The following SLC22A16 variants were observed in gnomAD, a reference collection of about 807,000 sequenced individuals.
SLC22A16 encodes the protein solute carrier family 22 member 16, also known as WUGSC:RG331P03.1.
SLC22A16 carries 53 observed loss-of-function variants against 52.9 expected under a neutral mutation model. That is an observed-to-expected ratio of 1.00 (90% CI 0.80 to 1.26). The LOEUF is 1.26. Among genes scored for constraint, SLC22A16 ranks in the 50% most tolerant of loss-of-function variants. The probability of loss-of-function intolerance (pLI) is 0.00; values close to 1 mark genes in which losing one functional copy is unlikely to be tolerated. For synonymous variants in SLC22A16, 291 were observed against 268.8 expected, an observed-to-expected ratio of 1.08 and a Z score of -0.81; for missense variants, 726 against 704.0, an observed-to-expected ratio of 1.03 and a Z score of -0.35.
chr6:110,469,937 C>T (rs1776204810), intron 1 of SLC22A16, among the ~76,000 whole-genome samples: 2 of 152,112 alleles, frequency 1.3e-5, no homozygotes, highest in African/African-American at 4.8e-5. Context: ...TCTGCAACTG[C>T]AAAACATAGA....
chr6:110,438,569 G>T, intron 5 of SLC22A16, 151 bp downstream of exon 5: 1 of 717,282 alleles, frequency 1.4e-6, no homozygotes. Context: ...AACAGAAAAA[G>T]AATGTTTTAA....
chr6:110,462,585 A>G (rs992792696), intron 1 of SLC22A16, among the ~76,000 whole-genome samples: 1 of 152,218 alleles, frequency 6.6e-6, no homozygotes, highest in African/African-American at 2.4e-5. Flanking sequence ...AAATAAAGAA[A>G]AAAGAATTTT....
chr6:110,462,437 A>C (rs558444445), intron 1 of SLC22A16, among the ~76,000 whole-genome samples: 12 of 152,328 alleles, frequency 7.9e-5, no homozygotes, highest in Non-Finnish European at 1.5e-4. Context: ...AGAAAGCTGA[A>C]AATCAACCCC....
At chr6:110,474,805 T>C in intron 1 of SLC22A16, 1 of 422,880 alleles carries the variant, frequency 2.4e-6, no homozygotes, top group South Asian at 1.8e-5. Flanking sequence ...GGGCAGTTAC[T>C]GGAGAGGCAT....
intron 2 of SLC22A16, among the ~76,000 whole-genome samples, chr6:110,454,566 T>A (rs1318787870): frequency 1.8e-5 from 2 of 111,462 alleles, no homozygotes; most frequent in East Asian, 2.2e-4. Context: ...ATATATATAT[T>A]ATATATAATA....
intron 2 of SLC22A16, chr6:110,453,485 A>G: frequency 5.3e-6 from 2 of 380,168 alleles, no homozygotes; most frequent in South Asian, 4.0e-5. Flanking sequence ...GCTGGCAAAA[A>G]CACAAGATGT....
intron 6 of SLC22A16, among the ~76,000 whole-genome samples, chr6:110,431,575 C>A (rs1219414732): frequency 1.3e-5 from 2 of 152,106 alleles, no homozygotes; most frequent in South Asian, 4.2e-4. Flanking sequence ...TAAGCTGTGC[C>A]ACATAGCCTG....
At chr6:110,462,953 G>T (rs917361462) in intron 1 of SLC22A16, among the ~76,000 whole-genome samples, 5 of 151,622 alleles carry the variant, frequency 3.3e-5, no homozygotes, top group Admixed American at 2.0e-4. Context: ...AGCCAGAACA[G>T]ATTGGGGGCC....
At chr6:110,437,735 G>C (rs1021019823) in intron 5 of SLC22A16, among the ~76,000 whole-genome samples, 5 of 152,098 alleles carry the variant, frequency 3.3e-5, no homozygotes, top group African/African-American at 1.2e-4. Context: ...TTAAAATACA[G>C]ATCTGAAAAC....
chr6:110,448,042 C>T (rs146310635), intron 2 of SLC22A16, among the ~76,000 whole-genome samples: 3 of 152,258 alleles, frequency 2.0e-5, no homozygotes, highest in Non-Finnish European at 4.4e-5. Flanking sequence ...CATATGGTAA[C>T]TCTATGTGTA....
At chr6:110,465,076 A>G (rs780139546) in intron 1 of SLC22A16, among the ~76,000 whole-genome samples, 48 of 150,534 alleles carry the variant, frequency 3.2e-4, no homozygotes, top group Non-Finnish European at 6.2e-4. Flanking sequence ...AAAGCATTTG[A>G]TAAAATCCAA....
intron 7 of SLC22A16, among the ~76,000 whole-genome samples, chr6:110,427,247 CAAAAA>C (rs71018390): frequency 1.7e-5 from 1 of 60,600 alleles, no homozygotes; most frequent in Non-Finnish European, 3.6e-5. Flanking sequence ...GACCCAATCT[CAAAAA>C]AAAAAAAAAA....
intron 1 of SLC22A16, among the ~76,000 whole-genome samples, chr6:110,466,915 A>T (rs915685776): frequency 1.7e-5 from 1 of 58,254 alleles, no homozygotes; most frequent in African/African-American, 8.8e-5. Context: ...AAAATGTGAT[A>T]GATAGATAGA....
chr6:110,431,134 G>T, intron 7 of SLC22A16, 37 bp downstream of exon 7: 1 of 1,560,758 alleles, frequency 6.4e-7, no homozygotes, highest in Non-Finnish European at 8.8e-7. Flanking sequence ...AACTGCCTCC[G>T]TGCCCCCTTG....
intron 2 of SLC22A16, among the ~76,000 whole-genome samples, chr6:110,452,328 G>C (rs1376996384): frequency 6.6e-6 from 1 of 151,760 alleles, no homozygotes; most frequent in Non-Finnish European, 1.5e-5. Context: ...TCATATGTAG[G>C]ACTTTTTTCA....
chr6:110,431,192 G>A lies in SLC22A16; in HGVS notation c.1500C>T (p.Ser500=), dbSNP rs371014665. 6.8e-6 allele frequency: 11 copies of A among 1,613,782 alleles called. No homozygotes were observed. The East Asian group carries it at 8.9e-5, about 13-fold the overall frequency. The change falls in exon 7 of 8, where the codon AGC becomes AGT. Residue 500 remains serine, a synonymous_variant. Coordinates refer to ENST00000368919, the MANE Select transcript of SLC22A16 (RefSeq NM_033125.4). ...ILAPFSVDLS[S]IWIFIPQLFV... ...ACACCTGTGGTATGAAGATCCAAAT[G>A]CTGCTGAGGTCCACAGAGAACGGCG... is the stretch of plus-strand genomic sequence containing the variant.
chr6:110,429,307 A>G (rs1774401855), intron 7 of SLC22A16, among the ~76,000 whole-genome samples: 1 of 152,144 alleles, frequency 6.6e-6, no homozygotes, highest in Non-Finnish European at 1.5e-5. Context: ...TAACACCCCA[A>G]TGGCACATCC....
intron 3 of SLC22A16, among the ~76,000 whole-genome samples, chr6:110,445,444 T>C (rs571191794): frequency 7.7e-4 from 118 of 152,300 alleles, no homozygotes; most frequent in Non-Finnish European, 1.5e-3. Flanking sequence ...CCTTTCCTAC[T>C]AGACTTACTG....
intron 1 of SLC22A16, among the ~76,000 whole-genome samples, chr6:110,475,769 A>G (rs1383335690): frequency 1.3e-5 from 2 of 152,130 alleles, no homozygotes; most frequent in African/African-American, 2.4e-5. Context: ...AGTCAGATAG[A>G]GGAGCTCTGT....
Sources: gnomAD v4.1 joint callset for allele counts (sites outside exome capture counted in the v4.1 genomes callset) on GRCh38, gnomAD v4.1.1 for gene constraint, MANE v1.5 for transcripts, NCBI Gene and HGNC (gene_info 2026-07-23, HGNC 2026-07-21) for gene names.